Variants in TBL1X observed in about 807,000 individuals in gnomAD.
TBL1X encodes F-box-like/WD repeat-containing protein TBL1X.
A neutral mutation model predicts 50.7 loss-of-function variants in TBL1X; 10 were observed. That is an observed-to-expected ratio of 0.20 (90% CI 0.12 to 0.33). The LOEUF (loss-of-function observed/expected upper bound fraction) is 0.33, where lower values mean the gene tolerates loss of function less well. TBL1X is among the 10% of genes least tolerant of loss of function. TBL1X has a pLI of 1.00. For missense variants in TBL1X, 340 were observed against 504.4 expected, an observed-to-expected ratio of 0.67 and a Z score of 3.12; for synonymous variants, 190 against 214.7, an observed-to-expected ratio of 0.88 and a Z score of 1.01.
intron 2 of TBL1X, among the ~76,000 whole-genome samples, chrX:9,503,823 G>GCAGTCT (rs912716467): frequency 8.9e-6 from 1 of 112,922 alleles, no homozygotes; most frequent in Non-Finnish European, 1.9e-5. Flanking sequence ...AGGGGTGGCC[G>GCAGTCT]CAGTCTCTGC....
At chrX:9,672,803 C>T (rs909363484) in intron 5 of TBL1X, among the ~76,000 whole-genome samples, 1 of 112,665 alleles carries the variant, frequency 8.9e-6, no homozygotes, top group African/African-American at 3.2e-5. Flanking sequence ...CACAGTCTGT[C>T]CACTTCAAAG....
intron 2 of TBL1X, chrX:9,636,193 A>G (rs945699408): frequency 1.8e-5 from 2 of 111,114 alleles, no homozygotes; most frequent in Admixed American, 9.6e-5. Flanking sequence ...CTCCTTTCCA[A>G]GTGATTGAAA....
intron 2 of TBL1X, among the ~76,000 whole-genome samples, chrX:9,582,258 C>T (rs549326989): frequency 1.8e-5 from 2 of 112,013 alleles, no homozygotes; most frequent in African/African-American, 6.5e-5. Context: ...TCCCATATTA[C>T]GGTCATATCC....
chrX:9,658,271 CCT>C (rs2082876139), intron 5 of TBL1X, among the ~76,000 whole-genome samples: 1 of 111,324 alleles, frequency 9.0e-6, no homozygotes, highest in Admixed American at 9.5e-5. Flanking sequence ...AGTCCATTGG[CCT>C]CTGTCTTACG....
chrX:9,560,053 T>C lies in TBL1X; in HGVS notation c.-131+58204T>C, dbSNP rs745856073. Reference sequence around the variant, plus strand: ...TTCCATCAGCTGCATAACCTAGATATCCTTCACCCCATTTTTATGAGACTC... The same window carrying C: ...TTCCATCAGCTGCATAACCTAGATACCCTTCACCCCATTTTTATGAGACTC... On this transcript the variant is annotated intron_variant, in intron 2 of 17. Coordinates refer to ENST00000645353, the MANE Select transcript of TBL1X (RefSeq NM_005647.4). Among the ~76,000 whole-genome samples, 3 of 111,870 alleles carry C rather than the reference T, an allele frequency of 2.7e-5. No individual in the cohort carries two copies. In the East Asian group the frequency reaches 8.4e-4, roughly 31 times the overall value.
chrX:9,697,300 T>A (rs1569102597), intron 11 of TBL1X, 69 bp from the exon 12 acceptor site: 1 of 1,174,856 alleles, frequency 8.5e-7, no homozygotes, highest in African/African-American at 1.8e-5. Context: ...TTTTCTTGTA[T>A]GATAAATGTT....
chrX:9,533,667 C>T (rs898045074), intron 2 of TBL1X, among the ~76,000 whole-genome samples: 3 of 110,872 alleles, frequency 2.7e-5, no homozygotes, highest in East Asian at 2.9e-4. Flanking sequence ...TAAAGAAAGG[C>T]ACAGTGATGG....
At chrX:9,522,891 C>G (rs2082113389) in intron 2 of TBL1X, among the ~76,000 whole-genome samples, 1 of 111,871 alleles carries the variant, frequency 8.9e-6, no homozygotes, top group Non-Finnish European at 1.9e-5. Flanking sequence ...AGGAAAAGAC[C>G]ATCTGAAAGT....
At chrX:9,556,998 T>C (rs1486986234) in intron 2 of TBL1X, among the ~76,000 whole-genome samples, 1 of 111,182 alleles carries the variant, frequency 9.0e-6, no homozygotes, top group African/African-American at 3.3e-5. Context: ...TCCAAGATAA[T>C]TTACTTTTTT....
At chrX:9,698,576 A>G (rs1400191057) in intron 12 of TBL1X, among the ~76,000 whole-genome samples, 5 of 111,553 alleles carry the variant, frequency 4.5e-5, no homozygotes, top group Non-Finnish European at 9.4e-5. Context: ...CAGAGTTTTT[A>G]TTGGGGGTTG....
intron 12 of TBL1X, among the ~76,000 whole-genome samples, chrX:9,698,287 AGGGATGCTGTTTTGG>A (rs2083145232): frequency 9.0e-6 from 1 of 111,429 alleles, no homozygotes; most frequent in African/African-American, 3.3e-5. Context: ...GCTGTTCTAA[AGGGATGCTGTTTTGG>A]GGGCTCCCTG....
chrX:9,622,492 A>G (rs901436246), intron 2 of TBL1X, among the ~76,000 whole-genome samples: 6 of 111,023 alleles, frequency 5.4e-5, no homozygotes, highest in South Asian at 7.7e-4. Context: ...GTCTCACTCT[A>G]TCACCCAGGC....
chrX:9,515,024 G>A (rs1175707765), intron 2 of TBL1X, among the ~76,000 whole-genome samples: 1 of 111,039 alleles, frequency 9.0e-6, no homozygotes, highest in East Asian at 2.8e-4. Context: ...TGTGATGTGT[G>A]TACCGCTCAT....
intron 5 of TBL1X, among the ~76,000 whole-genome samples, chrX:9,669,292 G>T (rs745935258): frequency 8.1e-5 from 9 of 111,793 alleles, no homozygotes; most frequent in Non-Finnish European, 1.7e-4. Flanking sequence ...AACGAAAGAG[G>T]CCTAACCCAC....
chrX:9,629,015 TG>T (rs1243512598), intron 2 of TBL1X, among the ~76,000 whole-genome samples: 2 of 112,565 alleles, frequency 1.8e-5, no homozygotes, highest in Admixed American at 1.9e-4. Flanking sequence ...GGCCTGTCAG[TG>T]GGGCCATTCT....
chrX:9,498,725 GC>G (rs962042458), intron 1 of TBL1X, among the ~76,000 whole-genome samples: 1 of 112,317 alleles, frequency 8.9e-6, no homozygotes, highest in Non-Finnish European at 1.9e-5. Context: ...GGAATCACAT[GC>G]CCCCCCACTC....
At position 9,500,276 on chromosome X, in the gene TBL1X, CAAAA is replaced by C. The variant is rs386416596; in HGVS notation, c.-200-1487_-200-1484del. 3.3e-3 allele frequency among the ~76,000 whole-genome samples: 133 copies of C among 39,765 alleles called. 1 individual carries two copies. Among genetic ancestry groups the C allele is most frequent in the African/African-American group, 0.012 (125 of 10,020 alleles). 34.5% of individuals were successfully genotyped at this position (39,765 alleles called of 115,157 possible). A position where few individuals can be genotyped will look rare whatever the true frequency, so the allele number is the denominator to read the frequency against. ...TGGACAGCAAAGGAAGACCCTGTCT[CAAAA>C]AAAAAAAAAAAAAAAAGCAAGAAAA... On this transcript the variant is annotated intron_variant, in intron 1 of 17. Coordinates refer to ENST00000645353, the MANE Select transcript of TBL1X (RefSeq NM_005647.4).
intron 5 of TBL1X, among the ~76,000 whole-genome samples, chrX:9,670,344 C>T: frequency 9.0e-6 from 1 of 111,052 alleles, no homozygotes; most frequent in Non-Finnish European, 1.9e-5. Context: ...GATTTCATCT[C>T]CAACCCAACC....
intron 6 of TBL1X, among the ~76,000 whole-genome samples, chrX:9,687,655 C>T (rs1021468228): frequency 1.9e-5 from 2 of 107,923 alleles, no homozygotes; most frequent in African/African-American, 6.8e-5. Flanking sequence ...TGCCTAATGC[C>T]CCCCAAGGAG....
Sources: allele counts gnomAD v4.1 joint callset (sites outside exome capture counted in the v4.1 genomes callset), GRCh38; gene constraint gnomAD v4.1.1; transcripts MANE v1.5; gene names NCBI Gene and HGNC (gene_info 2026-07-23, HGNC 2026-07-21).